TMEM245: variants seen among roughly 807,000 people sequenced by gnomAD.
The protein encoded by TMEM245 is transmembrane protein 245.
TMEM245 carries 69 observed loss-of-function variants against 101.2 expected under a neutral mutation model. The observed-to-expected ratio is 0.68, with a 90% CI of 0.56 to 0.83. TMEM245 has a LOEUF of 0.83. Among genes scored for constraint, TMEM245 ranks in the 40% least tolerant of loss-of-function variants. The pLI is 0.00. For missense variants in TMEM245, 1,075 were observed against 1,092.8 expected (o/e 0.98, Z 0.23); for synonymous variants, 537 against 449.8 (o/e 1.19, Z -2.45).
At chr9:109,053,872 C>A (rs1828757872) in intron 12 of TMEM245, among the ~76,000 whole-genome samples, 1 of 152,188 alleles carries the variant, frequency 6.6e-6, no homozygotes, top group South Asian at 2.1e-4. Context: ...CAGAACTGAG[C>A]CACCTCTGTC....
chr9:109,041,453 A>ATTTTTTTTTTTT lies in TMEM245; in HGVS notation c.2124-3348_2124-3337dup, dbSNP rs1193341550. Among the ~76,000 whole-genome samples the ATTTTTTTTTTTT allele has an allele frequency of 3.6e-5, 3 of 83,208 alleles. 1 individual carries two copies. Among genetic ancestry groups the ATTTTTTTTTTTT allele is most frequent in the African/African-American group, 1.5e-4 (3 of 19,952 alleles). The allele number at this position is 83,208 out of a possible 152,430, so 54.6% of individuals were successfully genotyped here. On this transcript the variant is annotated intron_variant, in intron 14 of 17. Coordinates refer to ENST00000374586, the MANE Select transcript of TMEM245 (RefSeq NM_032012.4). ...GTAGGATGTGGTTGCCATCCTACAA[A>ATTTTTTTTTTTT]TTTTTTTTTTTTTTTTTTTTTTTTT...
chr9:109,052,941 G>C (rs1398650050), intron 12 of TMEM245, among the ~76,000 whole-genome samples: 1 of 151,868 alleles, frequency 6.6e-6, no homozygotes, highest in African/African-American at 2.4e-5. Context: ...TTTCCTATTT[G>C]AAAGAAAAAA....
intron 8 of TMEM245, among the ~76,000 whole-genome samples, chr9:109,078,644 T>C (rs943469695): frequency 2.0e-5 from 3 of 152,240 alleles, no homozygotes; most frequent in African/African-American, 7.2e-5. Context: ...TGATGTGTAA[T>C]TTTTCTCTTG....
At chr9:109,068,090 G>A (rs73531361) in intron 9 of TMEM245, among the ~76,000 whole-genome samples, 4,752 of 152,162 alleles carry the variant, frequency 0.031, 252 homozygotes, top group African/African-American at 0.11. Context: ...TTCCTTGGCC[G>A]GACGCGGTCA....
At chr9:109,063,631 G>A (rs150350024) in intron 10 of TMEM245, among the ~76,000 whole-genome samples, 1 of 152,224 alleles carries the variant, frequency 6.6e-6, no homozygotes, top group Non-Finnish European at 1.5e-5. Context: ...ACTAGGGAGG[G>A]AAAGAATATC....
chr9:109,039,911 A>T (rs1828253064), intron 14 of TMEM245, among the ~76,000 whole-genome samples: 1 of 152,094 alleles, frequency 6.6e-6, no homozygotes, highest in Admixed American at 6.6e-5. Flanking sequence ...AAAGATAGAG[A>T]TGTGATCCTT....
chr9:109,106,461 C>T (rs1230117035), intron 3 of TMEM245, 47 bp downstream of exon 3: 1 of 1,280,470 alleles, frequency 7.8e-7, no homozygotes, highest in Non-Finnish European at 1.1e-6. Flanking sequence ...AAGCTACTCT[C>T]CAAAATACTT....
Position 109,058,018 on chromosome 9 carries a change from T to G in TMEM245, c.1723-696A>C, listed in dbSNP as rs529608693. On this transcript the variant is annotated intron_variant, in intron 11 of 17. Transcript: ENST00000374586. Reference sequence around the variant, plus strand: ...CCTCCTTTCCTCATTTTTTTTTTTTTGGGACGGGGTCTTGCTCTATCACCC... The same window carrying G: ...CCTCCTTTCCTCATTTTTTTTTTTTGGGGACGGGGTCTTGCTCTATCACCC... Among the ~76,000 whole-genome samples the G allele has an allele frequency of 4.7e-3, 703 of 150,544 alleles. 5 individuals carry two copies. Among genetic ancestry groups the G allele is most frequent in the African/African-American group, 0.016 (640 of 41,130 alleles).
intron 14 of TMEM245, among the ~76,000 whole-genome samples, chr9:109,045,199 C>T (rs1828448526): frequency 6.6e-6 from 1 of 152,142 alleles, no homozygotes; most frequent in Admixed American, 6.5e-5. Flanking sequence ...TATCCTTTAA[C>T]AAATCTCTCT....
rs746372192 is a variant in TMEM245 at position 109,119,938 on chromosome 9, G to A, written c.-25C>T. The A allele has an allele frequency of 1.7e-5, 22 of 1,292,604 alleles. No individual in the cohort carries two copies. The East Asian group carries it at 2.0e-4, about 12-fold the overall frequency. The allele number at this position is 1,292,604 out of a possible 1,614,324, so 80.1% of individuals were successfully genotyped here. On this transcript the variant is annotated 5_prime_UTR_variant, in exon 1 of 18. Coordinates refer to ENST00000374586, the MANE Select transcript of TMEM245 (RefSeq NM_032012.4). The stretch of plus-strand genomic sequence containing the variant: ...TCGTTCCTCCGCCACAGCCGCCCCC[G>A]AGGGGCGGTAATGGGAGTCGGGCTA...
intron 9 of TMEM245, among the ~76,000 whole-genome samples, chr9:109,070,064 T>C (rs1223426351): frequency 2.0e-5 from 3 of 152,328 alleles, no homozygotes; most frequent in East Asian, 1.9e-4. Context: ...TGTGAACCTA[T>C]TGTTTTTTGC....
chr9:109,063,583 T>C (rs936149883), intron 10 of TMEM245, among the ~76,000 whole-genome samples: 3 of 152,234 alleles, frequency 2.0e-5, no homozygotes, highest in South Asian at 4.1e-4. Flanking sequence ...TATTTCAGTA[T>C]ACTAAAAGTG....
intron 9 of TMEM245, 31 bp downstream of exon 9, chr9:109,073,325 T>A (rs777639122): frequency 6.5e-7 from 1 of 1,531,512 alleles, no homozygotes. Flanking sequence ...AGGCCATTCA[T>A]CTCTCTTCTT....
At chr9:109,036,008 A>ACC (rs1308037157) in intron 16 of TMEM245, 198 bp downstream of exon 16, 9 of 225,646 alleles carry the variant, frequency 4.0e-5, no homozygotes, top group South Asian at 1.9e-4. Context: ...AAAAAAAAAA[A>ACC]CCCCAAAATA....
chr9:109,119,399 T>G lies in TMEM245; in HGVS notation c.515A>C (p.Gln172Pro), dbSNP rs1435374356. 4 of 1,528,190 alleles carry G rather than the reference T, an allele frequency of 2.6e-6. No individual in the cohort carries two copies. Among genetic ancestry groups the G allele is most frequent in the Admixed American group, 4.0e-5 (2 of 50,290 alleles). 94.7% of individuals were successfully genotyped at this position (1,528,190 alleles called of 1,614,324 possible). A position where few individuals can be genotyped will look rare whatever the true frequency, so the allele number is the denominator to read the frequency against. ...CGTGGCAGCGTGCACCAGCAGCACC[T>G]GCACGCCCAAGTAGCTGCCGAGGCA... is the stretch of plus-strand genomic sequence containing the variant. ...LYCLGSYLGV[Q>P]VLLVHAATLI... The change falls in exon 1 of 18, where the codon CAG becomes CCG. Residue 172 changes from glutamine to proline, a missense_variant. Coordinates refer to ENST00000374586, the MANE Select transcript of TMEM245 (RefSeq NM_032012.4).
At chr9:109,064,348 G>T in intron 10 of TMEM245, 129 bp downstream of exon 10, 1 of 750,288 alleles carries the variant, frequency 1.3e-6, no homozygotes, top group Non-Finnish European at 2.2e-6. Context: ...ATTGTATGTT[G>T]CTTACCTGTT....
At chr9:109,094,190 G>A (rs1160314298) in intron 3 of TMEM245, among the ~76,000 whole-genome samples, 1 of 152,186 alleles carries the variant, frequency 6.6e-6, no homozygotes, top group Non-Finnish European at 1.5e-5. Flanking sequence ...GTAGTACCAA[G>A]CTCAATCATT....
chr9:109,027,658 C>T (rs1170065135), intron 17 of TMEM245, among the ~76,000 whole-genome samples: 1 of 151,802 alleles, frequency 6.6e-6, no homozygotes, highest in African/African-American at 2.4e-5. Context: ...CAATCCACCA[C>T]AGCTTCTGAG....
rs1039866944 is a variant in TMEM245 at position 109,017,183 on chromosome 9, C to T, written c.*3277G>A. ...ATCTCATCTGCAAGCCATTTAGCAGCCCTTTAACTGTAAAAAGCAGTTCCA... is the reference window on the plus strand; with the variant it reads ...ATCTCATCTGCAAGCCATTTAGCAGTCCTTTAACTGTAAAAAGCAGTTCCA... On this transcript the variant is annotated 3_prime_UTR_variant, in exon 18 of 18. Transcript: ENST00000374586. 2.0e-5 allele frequency: 3 copies of T among 152,178 alleles called. No individual in the cohort carries two copies. Among genetic ancestry groups the T allele is most frequent in the Non-Finnish European group, 4.4e-5 (3 of 68,036 alleles). 9.4% of individuals were successfully genotyped at this position (152,178 alleles called of 1,614,324 possible).
Sources: gnomAD v4.1 joint callset for allele counts (sites outside exome capture counted in the v4.1 genomes callset) on GRCh38, gnomAD v4.1.1 for gene constraint, MANE v1.5 for transcripts, NCBI Gene and HGNC (gene_info 2026-07-23, HGNC 2026-07-21) for gene names.